The following PLEKHG4B variants were observed in gnomAD, a reference collection of about 807,000 sequenced individuals.
PLEKHG4B encodes pleckstrin homology domain-containing family G member 4B.
Under a neutral mutation model 121.3 loss-of-function variants are expected in PLEKHG4B, and 111 were observed. The ratio of observed to expected loss-of-function variants is 0.92; its 90% CI spans 0.78 to 1.07. The LOEUF (loss-of-function observed/expected upper bound fraction) is 1.07, where lower values mean the gene tolerates loss of function less well. Among genes scored for constraint, PLEKHG4B ranks in the 50% least tolerant of loss-of-function variants. The pLI is 0.00. For missense variants in PLEKHG4B, 1,831 were observed against 1,757.8 expected (o/e 1.04, Z -0.74); for synonymous variants, 738 against 725.0 (o/e 1.02, Z -0.29).
chr5:113,336 G>A lies in PLEKHG4B; in HGVS notation c.131G>A (p.Trp44Ter). The change falls in exon 2 of 20, where the codon TGG becomes TAG. Residue 44 changes from tryptophan (W) to a stop codon, truncating the protein, a stop_gained. Coordinates refer to ENST00000637938, the MANE Select transcript of PLEKHG4B (RefSeq NM_052909.5). LOFTEE classifies it high-confidence loss of function. The surrounding 1 kb of genome is among the most constrained non-coding windows in gnomAD (Gnocchi z 5.2). ...PFEATAATVLWQLFSVAERCH... is the reference protein window; with the variant it reads ...PFEATAATVL Reference sequence around the variant, plus strand: ...GAAGCCACGGCAGCCACGGTGCTCTGGCAGCTGTTCAGCGTGGCCGAGAGG... The same window carrying A: ...GAAGCCACGGCAGCCACGGTGCTCTAGCAGCTGTTCAGCGTGGCCGAGAGG... The A allele has an allele frequency of 2.5e-6, 1 of 399,118 alleles. No homozygotes were observed. The highest frequency in any genetic ancestry group is 4.4e-6 in the Non-Finnish European group (1 of 226,136). The allele number at this position is 399,118 out of a possible 1,614,324, so 24.7% of individuals were successfully genotyped here.
chr5:118,417 C>G (rs1734367561), intron 2 of PLEKHG4B, among the ~76,000 whole-genome samples: 1 of 152,146 alleles, frequency 6.6e-6, no homozygotes, highest in Non-Finnish European at 1.5e-5. Context: ...AGAATCCTTC[C>G]CAAGTACACA....
chr5:134,697 T>C (rs1324740584), intron 2 of PLEKHG4B, among the ~76,000 whole-genome samples: 1 of 146,026 alleles, frequency 6.8e-6, no homozygotes, highest in Non-Finnish European at 1.5e-5. Flanking sequence ...ACCTGGGAGG[T>C]GGAGGTTGCA....
intron 2 of PLEKHG4B, among the ~76,000 whole-genome samples, chr5:118,926 C>CT (rs1734385581): frequency 6.6e-6 from 1 of 151,604 alleles, no homozygotes; most frequent in Non-Finnish European, 1.5e-5. Context: ...TCATGGCTCA[C>CT]TACAGCCTTG....
At chr5:110,976 C>T (rs1405876484) in intron 1 of PLEKHG4B, among the ~76,000 whole-genome samples, 2 of 152,252 alleles carry the variant, frequency 1.3e-5, no homozygotes, top group Non-Finnish European at 2.9e-5. Flanking sequence ...CTCTCCTGGC[C>T]CCGAGGCCTG....
In PLEKHG4B at chr5:143,064, G is replaced by A. The variant is rs1156899703; in HGVS notation, c.1495G>A (p.Ala499Thr). 2 of 1,613,196 alleles carry A rather than the reference G, an allele frequency of 1.2e-6. No homozygotes were observed. Among genetic ancestry groups the A allele is most frequent in the Non-Finnish European group, 1.7e-6 (2 of 1,180,004 alleles). ...TKEEDVLASSACVSTDGGSLH... is the reference protein window; with the variant it reads ...TKEEDVLASSTCVSTDGGSLH... ...TTGTCCAGACGTTCTTGCATCCTCA[G>A]CCTGTGTCAGCACAGACGGCGGCAG... Residue 499 changes from alanine (A) to threonine (T), a missense_variant, in exon 4 of 20, where the codon GCC (alanine) becomes ACC (threonine). Physicochemically the swap from Ala to Thr is moderately conservative, Grantham distance 58 (BLOSUM62 0). Coordinates refer to ENST00000637938, the MANE Select transcript of PLEKHG4B (RefSeq NM_052909.5).
chr5:166,481 C>CAG (rs1466138756), intron 13 of PLEKHG4B, among the ~76,000 whole-genome samples: 10 of 67,328 alleles, frequency 1.5e-4, no homozygotes, highest in Admixed American at 2.6e-4. Context: ...AATGCTCTGA[C>CAG]GGGGCGGGGC....
chr5:145,588 C>T (rs984383529), intron 6 of PLEKHG4B, among the ~76,000 whole-genome samples: 1 of 152,230 alleles, frequency 6.6e-6, no homozygotes, highest in African/African-American at 2.4e-5. Context: ...TCTTGAACTC[C>T]TGGACTCAAG....
chr5:174,115 C>A lies in PLEKHG4B; in HGVS notation c.4402+17C>A, dbSNP rs767769254. 1 of 1,484,084 alleles carries A rather than the reference C, an allele frequency of 6.7e-7. No individual in the cohort carries two copies. Among genetic ancestry groups the A allele is most frequent in the Non-Finnish European group, 9.0e-7 (1 of 1,105,244 alleles). The allele number at this position is 1,484,084 out of a possible 1,614,324, so 91.9% of individuals were successfully genotyped here. A position where few individuals can be genotyped will look rare whatever the true frequency, so the allele number is the denominator to read the frequency against. ...AGAGCAGAGGTGGGAAGATGGGGGC[C>A]GCAGGGCCTGCCAGGCTCAGGGGCA... On this transcript the variant is annotated intron_variant, in intron 18 of 19. Coordinates refer to ENST00000637938, the MANE Select transcript of PLEKHG4B (RefSeq NM_052909.5).
At position 101,324 on chromosome 5, in the gene PLEKHG4B, T is replaced by A. The variant is rs866756528; in HGVS notation, c.45+9048T>A. Among the ~76,000 whole-genome samples, 573 of 96,508 alleles carry A rather than the reference T, an allele frequency of 5.9e-3. 19 individuals carry two copies. Among genetic ancestry groups the A allele is most frequent in the African/African-American group, 0.02 (365 of 17,946 alleles). The allele number at this position is 96,508 out of a possible 152,430, so 63.3% of individuals were successfully genotyped here. On this transcript the variant is annotated intron_variant, in intron 1 of 19. Coordinates refer to ENST00000637938, the MANE Select transcript of PLEKHG4B (RefSeq NM_052909.5). The stretch of plus-strand genomic sequence containing the variant: ...TGTAGGGGAGAGACTGTTGTGAGGT[T>A]AATCCATATAAAGCCCTGGAAAAAG...
intron 2 of PLEKHG4B, among the ~76,000 whole-genome samples, chr5:135,378 T>C (rs1335094525): frequency 6.6e-6 from 1 of 151,032 alleles, no homozygotes; most frequent in East Asian, 2.0e-4. Flanking sequence ...CTTAATATTG[T>C]AAAATGGGCC....
intron 13 of PLEKHG4B, among the ~76,000 whole-genome samples, chr5:168,760 G>A (rs1471976178): frequency 6.6e-6 from 1 of 151,988 alleles, no homozygotes; most frequent in African/African-American, 2.4e-5. Flanking sequence ...ATCTTTTCAA[G>A]TTACTGTGTA....
At position 156,076 on chromosome 5, in the gene PLEKHG4B, C is replaced by A. The variant is rs746721813; in HGVS notation, c.2214C>A (p.Val738=). 6.3e-7 allele frequency: 1 copy of A among 1,578,528 alleles called. No homozygotes were observed. Among genetic ancestry groups the A allele is most frequent in the South Asian group, 1.2e-5 (1 of 85,918 alleles). ...TTCCTCCCCATCCCGTGCAGGAAGT[C>A]GCCGAGTTAATTGACCAGCATGAGA... is the stretch of plus-strand genomic sequence containing the variant. ...THRTPRTAQE[V]AELIDQHETM... The change falls in exon 10 of 20, where the codon GTC becomes GTA. Residue 738 remains valine, a synonymous_variant. Coordinates refer to ENST00000637938, the MANE Select transcript of PLEKHG4B (RefSeq NM_052909.5). This position sits in a 1 kb window ranked among gnomAD's most constrained non-coding sequence, Gnocchi z 4.4.
chr5:120,949 T>C (rs1340727874), intron 2 of PLEKHG4B, among the ~76,000 whole-genome samples: 1 of 152,052 alleles, frequency 6.6e-6, no homozygotes, highest in Non-Finnish European at 1.5e-5. Flanking sequence ...CGAAAGTATT[T>C]TAAAAGAAGA....
chr5:135,674 AAAAAAAAAATAT>A (rs1734942132), intron 2 of PLEKHG4B, among the ~76,000 whole-genome samples: 1 of 66,118 alleles, frequency 1.5e-5, no homozygotes, highest in Non-Finnish European at 2.8e-5. Flanking sequence ...TCAAAAAAAA[AAAAAAAAAATAT>A]ATATATATAT....
chr5:149,198 CAAA>C (rs1735525322), intron 6 of PLEKHG4B, among the ~76,000 whole-genome samples: 2 of 152,074 alleles, frequency 1.3e-5, no homozygotes, highest in South Asian at 4.2e-4. Flanking sequence ...GCACCAGCAA[CAAA>C]AGAAAAAATG....
chr5:152,106 G>A (rs894482645), intron 7 of PLEKHG4B, among the ~76,000 whole-genome samples: 1 of 151,594 alleles, frequency 6.6e-6, no homozygotes, highest in African/African-American at 2.4e-5. Flanking sequence ...CAATGCGAGC[G>A]GGCTTGGTTT....
chr5:137,292 C>T lies in PLEKHG4B; in HGVS notation c.244-2191C>T, dbSNP rs138032943. On this transcript the variant is annotated intron_variant, in intron 2 of 19. Coordinates refer to ENST00000637938, the MANE Select transcript of PLEKHG4B (RefSeq NM_052909.5). This position sits in a 1 kb window ranked among gnomAD's most constrained non-coding sequence, Gnocchi z 4.2. The stretch of plus-strand genomic sequence containing the variant: ...GTGAGCTGGTGTTTAATGGGTTCAC[C>T]GTTTCAGTTTGGGAAGATGGAAAGT... Among the ~76,000 whole-genome samples the T allele has an allele frequency of 1.7e-4, 26 of 152,212 alleles. No homozygotes were observed. The highest frequency in any genetic ancestry group is 6.3e-4 in the African/African-American group (26 of 41,524).
intron 17 of PLEKHG4B, 113 bp from the exon 18 acceptor site, chr5:173,805 A>G: frequency 7.9e-7 from 1 of 1,270,796 alleles, no homozygotes; most frequent in Admixed American, 2.2e-5. Flanking sequence ...CATCCCACAC[A>G]TTTGTCATTT....
chr5:154,800 G>T (rs1735716681), intron 7 of PLEKHG4B, 75 bp from the exon 8 acceptor site: 3 of 1,151,940 alleles, frequency 2.6e-6, no homozygotes, highest in Non-Finnish European at 2.6e-6. Context: ...CTGAACCCAG[G>T]AATGAGCCAT....
Sources: gnomAD v4.1 joint callset for allele counts (sites outside exome capture counted in the v4.1 genomes callset) on GRCh38, gnomAD v4.1.1 for gene constraint, Gnocchi (gnomAD v3.1) non-coding constraint, MANE v1.5 for transcripts, NCBI Gene and HGNC (gene_info 2026-07-23, HGNC 2026-07-21) for gene names.